BAG6: variants seen among roughly 807,000 people sequenced by gnomAD.
BAG6 encodes BAG cochaperone 6.
In BAG6, 22 loss-of-function variants were observed where a neutral mutation model predicts 121.0. The ratio of observed to expected loss-of-function variants is 0.18; its 90% confidence interval spans 0.13 to 0.26. The LOEUF is 0.26. Among genes scored for constraint, BAG6 ranks in the 10% least tolerant of loss-of-function variants. BAG6 has a pLI of 1.00. For missense variants in BAG6, 1,233 were observed against 1,537.7 expected (o/e 0.80, Z 3.31); for synonymous variants, 583 against 584.6 (o/e 1.00, Z 0.04).
chr6:31,639,331 C>T lies in BAG6; in HGVS notation c.3394-105G>A, dbSNP rs151284021. ...AGAAGCTAACATTTCCCCCCCCAAGCACACTGTCAAATAGCCCGGGGTGGC... is the reference window on the plus strand; with the variant it reads ...AGAAGCTAACATTTCCCCCCCCAAGTACACTGTCAAATAGCCCGGGGTGGC... On this transcript the variant is annotated intron_variant, in intron 25 of 25. Coordinates refer to ENST00000676615, the MANE Select transcript of BAG6 (RefSeq NM_001387994.1). 7.7e-3 allele frequency: 11,062 copies of T among 1,445,868 alleles called. 470 individuals carry two copies. The South Asian group carries it at 0.09, about 12-fold the overall frequency. 89.6% of individuals were successfully genotyped at this position (1,445,868 alleles called of 1,614,324 possible). A position where few individuals can be genotyped will look rare whatever the true frequency, so the allele number is the denominator to read the frequency against.
intron 15 of BAG6, 64 bp downstream of exon 15, chr6:31,642,765 G>C: frequency 6.4e-7 from 1 of 1,570,394 alleles, no homozygotes; most frequent in Non-Finnish European, 8.7e-7. Flanking sequence ...ATGGCAAGAA[G>C]GTACCACTGC....
At position 31,648,684 on chromosome 6, in the gene BAG6, C is replaced by A. The variant is rs778984107; in HGVS notation, c.545G>T (p.Arg182Leu). 3.1e-6 allele frequency: 5 copies of A among 1,613,740 alleles called. No homozygotes were observed. In the African/African-American group the frequency reaches 5.3e-5, roughly 17 times the overall value. Residue 182 changes from arginine to leucine, a missense_variant, in exon 6 of 26, where the codon CGG (arginine) becomes CTG (leucine). Transcript: ENST00000676615. ...MIRDIQTLLS[R>L]MECRGGPQPQ... ...CCAGCCTTGCCCACTTACCTCCATC[C>A]GGGATAGTAAGGTCTGTATATCCCT...
At position 31,640,085 on chromosome 6, in the gene BAG6, C is replaced by T. The variant is rs1000784201; in HGVS notation, c.3246+114G>A. 17 of 1,069,616 alleles carry T rather than the reference C, an allele frequency of 1.6e-5. No individual in the cohort carries two copies. The Admixed American group carries it at 3.9e-4, about 24-fold the overall frequency. 66.3% of individuals were successfully genotyped at this position (1,069,616 alleles called of 1,614,324 possible). A position where few individuals can be genotyped will look rare whatever the true frequency, so the allele number is the denominator to read the frequency against. ...TCCCAGAAAAAGTTTCCTCATTAAACGAGGGGAGGGGAGACTGAATAACAA... is the reference window on the plus strand; with the variant it reads ...TCCCAGAAAAAGTTTCCTCATTAAATGAGGGGAGGGGAGACTGAATAACAA... On this transcript the variant is annotated intron_variant, in intron 24 of 25. Coordinates refer to ENST00000676615, the MANE Select transcript of BAG6 (RefSeq NM_001387994.1). This position sits in a 1 kb window ranked among gnomAD's most constrained non-coding sequence, Gnocchi z 4.2.
At chr6:31,652,357 A>ACACACACCCACACACC (rs878991736) in intron 1 of BAG6, 67 bp downstream of exon 1, 1 of 143,070 alleles carries the variant, frequency 7.0e-6, no homozygotes, top group South Asian at 2.1e-4. Flanking sequence ...ACACACACAC[A>ACACACACCCACACACC]CACCCACCAC....
intron 2 of BAG6, among the ~76,000 whole-genome samples, chr6:31,650,055 C>T (rs903151551): frequency 2.6e-5 from 4 of 151,766 alleles, no homozygotes; most frequent in Non-Finnish European, 5.9e-5. Context: ...GAGCCGAGAT[C>T]GCATCACTAC....
Position 31,641,057 on chromosome 6 carries a change from A to C in BAG6, c.2787+47T>G, listed in dbSNP as rs767429988. ...AAAATGAAAACTGCAGAGAATGGAA[A>C]CCTCAGGAAACAAAAGGCTAAGGAT... On this transcript the variant is annotated intron_variant, in intron 20 of 25. Transcript: ENST00000676615. This position sits in a 1 kb window ranked among gnomAD's most constrained non-coding sequence, Gnocchi z 5.7. 6.2e-7 allele frequency: 1 copy of C among 1,606,530 alleles called. No homozygotes were observed. The highest frequency in any genetic ancestry group is 8.5e-7 in the Non-Finnish European group (1 of 1,175,920).
Position 31,642,655 on chromosome 6 carries a change from T to G in BAG6, c.2043+174A>C, listed in dbSNP as rs1355633295. ...TTACTATACTTTCTTTTTCTAAACC[T>G]CATTTTCTTCATCTTTAAAATGAAA... is the stretch of plus-strand genomic sequence containing the variant. On this transcript the variant is annotated intron_variant, in intron 15 of 25. Transcript: ENST00000676615. 3 of 824,208 alleles carry G rather than the reference T, an allele frequency of 3.6e-6. No homozygotes were observed. In the African/African-American group the frequency reaches 5.2e-5, roughly 14 times the overall value. 51.1% of individuals were successfully genotyped at this position (824,208 alleles called of 1,614,324 possible). A position where few individuals can be genotyped will look rare whatever the true frequency, so the allele number is the denominator to read the frequency against.
rs1472518651 is a variant in BAG6, at chr6:31,639,064, TC to T, written c.*66del. The T allele has an allele frequency of 5.3e-5, 72 of 1,359,372 alleles. No individual in the cohort carries two copies. The highest frequency in any genetic ancestry group is 3.6e-4 in the Middle Eastern group (2 of 5,514). 84.2% of individuals were successfully genotyped at this position (1,359,372 alleles called of 1,614,324 possible). On this transcript the variant is annotated 3_prime_UTR_variant, in exon 26 of 26. Coordinates refer to ENST00000676615, the MANE Select transcript of BAG6 (RefSeq NM_001387994.1). ...CAGCCAGAAAAATCCGACTTTTATT[TC>T]TTAAATACTGTGAAGGAAGAGGGGG...
At chr6:31,650,333 G>T (rs1794957390) in intron 2 of BAG6, among the ~76,000 whole-genome samples, 1 of 152,002 alleles carries the variant, frequency 6.6e-6, no homozygotes, top group South Asian at 2.1e-4. Flanking sequence ...ATGGGGTCTG[G>T]TATCAGGTTA....
intron 15 of BAG6, 200 bp downstream of exon 15, chr6:31,642,629 A>G: frequency 1.4e-6 from 1 of 713,850 alleles, no homozygotes; most frequent in South Asian, 1.9e-5. Context: ...AGTGACACTA[A>G]TTACTATACT....
intron 14 of BAG6, among the ~76,000 whole-genome samples, chr6:31,643,421 T>A (rs1583335904): frequency 7.0e-6 from 1 of 142,194 alleles, no homozygotes. Flanking sequence ...CTCTGTAACT[T>A]AAAAAAAAAA....
chr6:31,645,243 G>A (rs1456220723), intron 9 of BAG6, 45 bp from the exon 10 acceptor site: 5 of 1,600,264 alleles, frequency 3.1e-6, no homozygotes, highest in South Asian at 2.2e-5. Flanking sequence ...AAATACAAGA[G>A]CCTAACCAAG....
Position 31,643,042 on chromosome 6 carries a change from T to C in BAG6, c.1830A>G (p.Thr610=). 6.3e-7 allele frequency: 1 copy of C among 1,588,830 alleles called. No individual in the cohort carries two copies. Among genetic ancestry groups the C allele is most frequent in the Non-Finnish European group, 8.6e-7 (1 of 1,169,530 alleles). Residue 610 remains threonine, a synonymous_variant, in exon 15 of 26, where the codon ACA becomes ACG. Transcript: ENST00000676615. ...CAGGAGCGGGGCCAGCTGTGGTAGC[T>C]GTGTTGGTGGTGCCAGCACTGGCAG... ...TASASAGTTN[T]ATTAGPAPGG... is the part of the protein sequence containing the mutation.
At position 31,641,569 on chromosome 6, in the gene BAG6, C is replaced by T. The variant is rs927406633; in HGVS notation, c.2529G>A (p.Thr843=). 1.9e-6 allele frequency: 3 copies of T among 1,614,106 alleles called. No individual in the cohort carries two copies. The highest frequency in any genetic ancestry group is 2.5e-6 in the Non-Finnish European group (3 of 1,179,970). The change falls in exon 18 of 26, where the codon ACG becomes ACA. Residue 843 remains threonine (T), a synonymous_variant. Coordinates refer to ENST00000676615, the MANE Select transcript of BAG6 (RefSeq NM_001387994.1). This position sits in a 1 kb window ranked among gnomAD's most constrained non-coding sequence, Gnocchi z 5.7. ...TCTCCCGCACATACTCTTCTAGCCC[C>T]GTGATCAATGTGTGGGTTGCCATCT... is the stretch of plus-strand genomic sequence containing the variant. ...NIRMATHTLI[T]GLEEYVRESF...
At chr6:31,647,537 C>T in intron 7 of BAG6, 54 bp downstream of exon 7, 1 of 1,602,006 alleles carries the variant, frequency 6.2e-7, no homozygotes, top group Non-Finnish European at 8.5e-7. Context: ...ATTTCCTTCT[C>T]CCCATACTTC....
chr6:31,642,653 C>A lies in BAG6; in HGVS notation c.2043+176G>T, dbSNP rs1035236185. 4.9e-6 allele frequency: 4 copies of A among 818,930 alleles called. No individual in the cohort carries two copies. The African/African-American group carries it at 7.0e-5, about 14-fold the overall frequency. 50.7% of individuals were successfully genotyped at this position (818,930 alleles called of 1,614,324 possible). A position where few individuals can be genotyped will look rare whatever the true frequency, so the allele number is the denominator to read the frequency against. On this transcript the variant is annotated intron_variant, in intron 15 of 25. Transcript: ENST00000676615. ...AATTACTATACTTTCTTTTTCTAAA[C>A]CTCATTTTCTTCATCTTTAAAATGA...
intron 1 of BAG6, chr6:31,652,221 G>A (rs1279269519): frequency 1.2e-5 from 2 of 165,522 alleles, no homozygotes; most frequent in Admixed American, 1.2e-4. Flanking sequence ...CTATAGACCC[G>A]AAACGGCACT....
At position 31,644,435 on chromosome 6, in the gene BAG6, A is replaced by G. The variant is rs1360870653; in HGVS notation, c.1448-21T>C. 6.4e-7 allele frequency: 1 copy of G among 1,551,180 alleles called. No homozygotes were observed. Among genetic ancestry groups the G allele is most frequent in the Admixed American group, 1.9e-5 (1 of 51,352 alleles). On this transcript the variant is annotated intron_variant, in intron 11 of 25. Coordinates refer to ENST00000676615, the MANE Select transcript of BAG6 (RefSeq NM_001387994.1). The surrounding 1 kb of genome is among the most constrained non-coding windows in gnomAD (Gnocchi z 4.9). The stretch of plus-strand genomic sequence containing the variant: ...GGAGCCTGGGGGGCGGGTCTGATGT[A>G]ACCTTGAACCTGGACCCCTTCAACC...
Position 31,642,991 on chromosome 6 carries a change from G to A in BAG6, c.1881C>T (p.Thr627=). 6.3e-7 allele frequency: 1 copy of A among 1,596,588 alleles called. No individual in the cohort carries two copies. The highest frequency in any genetic ancestry group is 8.5e-7 in the Non-Finnish European group (1 of 1,172,412). The part of the protein sequence containing the change: ...APGGPAQPPP[T]PQPSMADLQF... The stretch of plus-strand genomic sequence containing the variant: ...GAAGATCAGCCATGGAGGGTTGAGG[G>A]GTGGGTGGAGGCTGGGCAGGCCCCC... The change falls in exon 15 of 26, where the codon ACC becomes ACT. Residue 627 remains threonine, a synonymous_variant. Coordinates refer to ENST00000676615, the MANE Select transcript of BAG6 (RefSeq NM_001387994.1).
Sources: allele counts gnomAD v4.1 joint callset (sites outside exome capture counted in the v4.1 genomes callset), GRCh38; gene constraint gnomAD v4.1.1; non-coding constraint Gnocchi (gnomAD v3.1); transcripts MANE v1.5; gene names NCBI Gene and HGNC (gene_info 2026-07-23, HGNC 2026-07-21).